The following IFFO2 variants were observed in gnomAD, a reference collection of about 807,000 sequenced individuals.
IFFO2 encodes intermediate filament family orphan 2.
Under a neutral mutation model 53.5 loss-of-function variants are expected in IFFO2, and 19 were observed. That is an observed-to-expected ratio of 0.36 (90% CI 0.25 to 0.52). The LOEUF is 0.52. IFFO2 is among the 20% of genes least tolerant of loss of function. The pLI is 0.94. For synonymous variants in IFFO2, 303 were observed against 313.6 expected (o/e 0.97, Z 0.36); for missense variants, 570 against 727.4 (o/e 0.78, Z 2.49).
chr1:18,946,068 G>C (rs1936583939), intron 1 of IFFO2, among the ~76,000 whole-genome samples: 1 of 152,202 alleles, frequency 6.6e-6, no homozygotes. Flanking sequence ...GAATGTAAAG[G>C]CAAGAGAGGA....
At chr1:18,934,082 T>A (rs1368891231) in intron 1 of IFFO2, among the ~76,000 whole-genome samples, 4 of 142,132 alleles carry the variant, frequency 2.8e-5, no homozygotes, top group Non-Finnish European at 6.1e-5. Context: ...TTTTTTTTTT[T>A]TTGAGACAGC....
At chr1:18,911,352 T>C in intron 7 of IFFO2, 32 bp downstream of exon 7, 1 of 1,214,096 alleles carries the variant, frequency 8.2e-7, no homozygotes, top group Non-Finnish European at 1.1e-6. Flanking sequence ...CAGGAGAGCC[T>C]CACGAGTGGG....
At chr1:18,949,629 C>T (rs1024725452) in intron 1 of IFFO2, among the ~76,000 whole-genome samples, 6 of 152,260 alleles carry the variant, frequency 3.9e-5, no homozygotes, top group Non-Finnish European at 7.3e-5. Context: ...TAAATCAATT[C>T]TCCTGGAAGG....
chr1:18,909,705 T>C lies in IFFO2; in HGVS notation c.1448+637A>G, dbSNP rs77973664. Among the ~76,000 whole-genome samples, 1,448 of 152,290 alleles carry C rather than the reference T, an allele frequency of 9.5e-3. 25 individuals carry two copies. Among genetic ancestry groups the C allele is most frequent in the East Asian group, 0.063 (328 of 5,186 alleles). ...TGACTATAAGTTTCCTGAGGCCTCC[T>C]CAGCCATGTGGAACGGTGAGTCAAC... On this transcript the variant is annotated intron_variant, in intron 8 of 8. Coordinates refer to ENST00000455833, the MANE Select transcript of IFFO2 (RefSeq NM_001136265.2).
At position 18,955,976 on chromosome 1, in the gene IFFO2, G is replaced by T; in HGVS notation, c.357C>A (p.Pro119=). Residue 119 remains proline (P), a synonymous_variant, in exon 1 of 9, where the codon CCC becomes CCA. Transcript: ENST00000455833. The stretch of plus-strand genomic sequence containing the variant: ...CACTGCTGAGGCCGTGCCCGCCGCC[G>T]GGCGCCGGGGGCCGCAGCAACTCGG... ...TGPELLRPPA[P]GGGHGLSSGA... 1 of 1,322,698 alleles carries T rather than the reference G, an allele frequency of 7.6e-7. No homozygotes were observed. Among genetic ancestry groups the T allele is most frequent in the Non-Finnish European group, 9.7e-7 (1 of 1,027,682 alleles). 81.9% of individuals were successfully genotyped at this position (1,322,698 alleles called of 1,614,324 possible).
chr1:18,932,182 C>G (rs748029775), intron 1 of IFFO2, among the ~76,000 whole-genome samples: 1 of 152,188 alleles, frequency 6.6e-6, no homozygotes, highest in African/African-American at 2.4e-5. Flanking sequence ...CATAAAGATC[C>G]CCCCTGCCTC....
intron 1 of IFFO2, among the ~76,000 whole-genome samples, chr1:18,921,995 A>C (rs1264461689): frequency 6.6e-6 from 1 of 152,144 alleles, no homozygotes; most frequent in African/African-American, 2.4e-5. Context: ...TGTACCAGGC[A>C]CTGTTCTACA....
chr1:18,931,535 C>G (rs1453097511), intron 1 of IFFO2, among the ~76,000 whole-genome samples: 1 of 152,224 alleles, frequency 6.6e-6, no homozygotes. Flanking sequence ...CCCACTCCTT[C>G]AGCACTGGCA....
At chr1:18,944,689 TAC>T (rs1490887018) in intron 1 of IFFO2, among the ~76,000 whole-genome samples, 1 of 151,960 alleles carries the variant, frequency 6.6e-6, no homozygotes, top group African/African-American at 2.4e-5. Flanking sequence ...CATGCGTGTA[TAC>T]ACACACACAC....
At chr1:18,923,921 C>T (rs1322148660) in intron 1 of IFFO2, among the ~76,000 whole-genome samples, 1 of 152,214 alleles carries the variant, frequency 6.6e-6, no homozygotes, top group Admixed American at 6.5e-5. Flanking sequence ...CCTCCCAACC[C>T]CACATCTCAA....
intron 1 of IFFO2, among the ~76,000 whole-genome samples, chr1:18,949,029 C>T (rs1936624939): frequency 6.6e-6 from 1 of 152,248 alleles, no homozygotes; most frequent in Admixed American, 6.5e-5. Context: ...GGGGCCCCAG[C>T]ACCCTGCACT....
rs1384659085 is a variant in IFFO2, at chr1:18,921,081, T to C, written c.706A>G (p.Met236Val). 2.6e-6 allele frequency: 4 copies of C among 1,551,908 alleles called. No homozygotes were observed. Among genetic ancestry groups the C allele is most frequent in the Non-Finnish European group, 3.5e-6 (4 of 1,147,062 alleles). Residue 236 changes from methionine to valine, a missense_variant, in exon 2 of 9, where the codon ATG (methionine) becomes GTG (valine). By Grantham distance (21) the Met-to-Val change is conservative. Transcript: ENST00000455833. ...ELAKRMNLQTMVDTLQEAAQE... is the reference protein window; with the variant it reads ...ELAKRMNLQTVVDTLQEAAQE... The stretch of plus-strand genomic sequence containing the variant: ...CTTACCTCCTGCAGCGTGTCCACCA[T>C]GGTCTGAAGGTTCATGCGCTTGGCG...
At chr1:18,942,550 G>A (rs953985090) in intron 1 of IFFO2, among the ~76,000 whole-genome samples, 4 of 152,216 alleles carry the variant, frequency 2.6e-5, no homozygotes, top group Non-Finnish European at 5.9e-5. Flanking sequence ...CTGAGGCTCA[G>A]AGCAGTAACA....
At chr1:18,912,735 C>T (rs927241961) in intron 5 of IFFO2, among the ~76,000 whole-genome samples, 5 of 151,642 alleles carry the variant, frequency 3.3e-5, no homozygotes, top group East Asian at 1.9e-4. Flanking sequence ...GCATAACTAT[C>T]GTTCCCATTT....
intron 1 of IFFO2, among the ~76,000 whole-genome samples, chr1:18,949,779 A>ATG (rs1054592940): frequency 1.3e-5 from 2 of 152,124 alleles, no homozygotes; most frequent in East Asian, 3.9e-4. Context: ...GTGTATGTGA[A>ATG]TGTGTGTGTG....
intron 1 of IFFO2, among the ~76,000 whole-genome samples, chr1:18,926,013 A>T (rs1013331937): frequency 1.3e-3 from 121 of 93,368 alleles, no homozygotes; most frequent in Middle Eastern, 6.4e-3. Context: ...GGTTGGATGG[A>T]TGGATGGATG....
intron 2 of IFFO2, among the ~76,000 whole-genome samples, chr1:18,920,860 C>T (rs1170303798): frequency 6.6e-6 from 1 of 152,240 alleles, no homozygotes; most frequent in Non-Finnish European, 1.5e-5. Context: ...TTGTGCAACA[C>T]TGTGCTGGTC....
chr1:18,925,852 A>G (rs1468604635), intron 1 of IFFO2, among the ~76,000 whole-genome samples: 19 of 15,838 alleles, frequency 1.2e-3, no homozygotes, highest in African/African-American at 2.3e-3. Flanking sequence ...GGATGGATGG[A>G]TTGGTTGGAT....
intron 2 of IFFO2, among the ~76,000 whole-genome samples, chr1:18,920,755 C>T (rs992685102): frequency 7.2e-5 from 11 of 152,184 alleles, no homozygotes; most frequent in African/African-American, 2.2e-4. Context: ...GAGACAGTGA[C>T]GGGTGAGAAG....
Sources: allele counts gnomAD v4.1 joint callset (sites outside exome capture counted in the v4.1 genomes callset), GRCh38; gene constraint gnomAD v4.1.1; transcripts MANE v1.5; gene names NCBI Gene and HGNC (gene_info 2026-07-23, HGNC 2026-07-21).